The following CNBD1 variants were observed in gnomAD, a reference collection of about 807,000 sequenced individuals.
CNBD1 encodes the protein cyclic nucleotide-binding domain-containing protein 1.
A neutral mutation model predicts 54.4 loss-of-function variants in CNBD1; 71 were observed. The ratio of observed to expected loss-of-function variants is 1.30; its 90% CI spans 1.08 to 1.59. The LOEUF is 1.59. Among genes scored for constraint, CNBD1 ranks in the 40% most tolerant of loss-of-function variants. The pLI is 0.00. For missense variants in CNBD1, 659 were observed against 518.0 expected, an observed-to-expected ratio of 1.27 and a Z score of -2.64; for synonymous variants, 182 against 170.7, an observed-to-expected ratio of 1.07 and a Z score of -0.51.
intron 4 of CNBD1, among the ~76,000 whole-genome samples, chr8:87,103,702 TTCCCACTGGG>T (rs2130696314): frequency 6.6e-6 from 1 of 152,328 alleles, no homozygotes; most frequent in Admixed American, 6.5e-5. Flanking sequence ...ATTCAGTTAC[TTCCCACTGGG>T]TCCCACCCAC....
intron 4 of CNBD1, among the ~76,000 whole-genome samples, chr8:87,112,600 T>C (rs1173875999): frequency 6.6e-6 from 1 of 152,204 alleles, no homozygotes; most frequent in Non-Finnish European, 1.5e-5. Flanking sequence ...AATTGCACAC[T>C]AATTTTGCAG....
chr8:87,339,872 T>C (rs1028007318), intron 8 of CNBD1, among the ~76,000 whole-genome samples: 6 of 152,158 alleles, frequency 3.9e-5, no homozygotes, highest in African/African-American at 1.4e-4. Flanking sequence ...ATTATAATTT[T>C]TATTCATTTT....
rs377453628 is a variant in CNBD1, at chr8:87,331,407, G to A, written c.1043-20278G>A. Among the ~76,000 whole-genome samples, 6 of 152,290 alleles carry A rather than the reference G, an allele frequency of 3.9e-5. No individual in the cohort carries two copies. The South Asian group carries it at 1.0e-3, about 26-fold the overall frequency. On this transcript the variant is annotated intron_variant, in intron 8 of 10. Transcript: ENST00000518476. The stretch of plus-strand genomic sequence containing the variant: ...GGACATGATCTCATTCCTTTCTGTA[G>A]CTGCATAGTATTCCATGGTGTATAC...
chr8:86,957,302 T>C (rs1039586853), intron 4 of CNBD1, among the ~76,000 whole-genome samples: 1 of 152,186 alleles, frequency 6.6e-6, no homozygotes, highest in African/African-American at 2.4e-5. Flanking sequence ...TTTTTTGTTG[T>C]GTCTCTGCCA....
chr8:87,404,576 G>A (rs190947282), intron 2 of CNBD1, among the ~76,000 whole-genome samples: 213 of 152,144 alleles, frequency 1.4e-3, no homozygotes, highest in African/African-American at 4.7e-3. Context: ...GGTCAAATTA[G>A]TGCTAAATTT....
At chr8:87,377,436 A>G (rs1320895481) in intron 10 of CNBD1, among the ~76,000 whole-genome samples, 1 of 151,736 alleles carries the variant, frequency 6.6e-6, no homozygotes, top group Non-Finnish European at 1.5e-5. Context: ...GTTTATTGAG[A>G]ATGATGATTT....
chr8:87,361,871 A>C (rs751672995), intron 10 of CNBD1, among the ~76,000 whole-genome samples: 18 of 151,936 alleles, frequency 1.2e-4, no homozygotes, highest in African/African-American at 1.7e-4. Flanking sequence ...TGTTCCTTGA[A>C]TTCTTGAAAA....
Position 87,065,906 on chromosome 8 carries a change from T to C in CNBD1, c.431+126152T>C, listed in dbSNP as rs529532872. Among the ~76,000 whole-genome samples, 329 of 152,058 alleles carry C rather than the reference T, an allele frequency of 2.2e-3. 1 individual carries two copies. The highest frequency in any genetic ancestry group is 3.8e-3 in the Non-Finnish European group (260 of 67,846). ...TAACCTATATGTGATACTTTCCCAC[T>C]ACATGGTTGTTGATAAGTTTCAAAG... On this transcript the variant is annotated intron_variant, in intron 4 of 10. Transcript: ENST00000518476.
chr8:86,919,345 A>G (rs1320021474), intron 3 of CNBD1, among the ~76,000 whole-genome samples: 3 of 152,200 alleles, frequency 2.0e-5, no homozygotes, highest in African/African-American at 7.2e-5. Flanking sequence ...CAAAACTAGA[A>G]GAGGTTTGGA....
At chr8:87,238,607 C>A (rs189878458) in intron 6 of CNBD1, among the ~76,000 whole-genome samples, 54 of 152,176 alleles carry the variant, frequency 3.5e-4, no homozygotes, top group Non-Finnish European at 6.9e-4. Flanking sequence ...ACTGCTATAG[C>A]AGAGCTCCAG....
At chr8:87,095,546 G>A (rs1023731495) in intron 4 of CNBD1, among the ~76,000 whole-genome samples, 1 of 152,096 alleles carries the variant, frequency 6.6e-6, no homozygotes, top group African/African-American at 2.4e-5. Context: ...ATGTGTCTAC[G>A]TCCTCTTTTA....
Position 87,137,168 on chromosome 8 carries a change from ATATAT to A in CNBD1, c.432-68818_432-68814del, listed in dbSNP as rs1481684341. On this transcript the variant is annotated intron_variant, in intron 4 of 10. Transcript: ENST00000518476. Reference sequence around the variant, plus strand: ...TATATTTTTATTCTATATAAATTATATATATTATATTTTTATTCTATATAAATTAT... The same window carrying A: ...TATATTTTTATTCTATATAAATTATATATATTTTTATTCTATATAAATTAT... Among the ~76,000 whole-genome samples, 14 of 140,650 alleles carry A rather than the reference ATATAT, an allele frequency of 1.0e-4. No individual in the cohort carries two copies. The South Asian group carries it at 2.8e-3, about 28-fold the overall frequency. 92.3% of individuals were successfully genotyped at this position (140,650 alleles called of 152,430 possible). A position where few individuals can be genotyped will look rare whatever the true frequency, so the allele number is the denominator to read the frequency against.
At chr8:87,237,572 A>C (rs1586354203) in intron 6 of CNBD1, among the ~76,000 whole-genome samples, 1 of 152,160 alleles carries the variant, frequency 6.6e-6, no homozygotes, top group East Asian at 1.9e-4. Context: ...AATTGAGGAA[A>C]ATCTTTTGCA....
intron 4 of CNBD1, among the ~76,000 whole-genome samples, chr8:87,195,354 A>G (rs1375358344): frequency 1.3e-5 from 2 of 149,868 alleles, no homozygotes; most frequent in African/African-American, 4.9e-5. Context: ...TCAGCCTCCC[A>G]AATAACTGGG....
chr8:87,333,330 T>C (rs1809874314), intron 8 of CNBD1, among the ~76,000 whole-genome samples: 1 of 152,142 alleles, frequency 6.6e-6, no homozygotes, highest in Non-Finnish European at 1.5e-5. Context: ...ACAGAGACAA[T>C]TTTACTTCCT....
intron 4 of CNBD1, among the ~76,000 whole-genome samples, chr8:87,076,667 C>A (rs1352529840): frequency 6.6e-6 from 1 of 152,130 alleles, no homozygotes; most frequent in Non-Finnish European, 1.5e-5. Flanking sequence ...TAGTCTCGAT[C>A]TCCTGACCTT....
chr8:87,380,491 G>A (rs1811051937), intron 10 of CNBD1, among the ~76,000 whole-genome samples: 1 of 151,770 alleles, frequency 6.6e-6, no homozygotes, highest in South Asian at 2.1e-4. Context: ...GATTGATTTG[G>A]TTATGTGTAA....
In CNBD1 at chr8:87,322,570, T is replaced by G. The variant is rs1272037200; in HGVS notation, c.1043-29115T>G. ...TGATGGCCAGTAATGATGAGCATTT[T>G]TTCATGTGTTTTTTGGCTGCATAAA... is the stretch of plus-strand genomic sequence containing the variant. On this transcript the variant is annotated intron_variant, in intron 8 of 10. Transcript: ENST00000518476. Among the ~76,000 whole-genome samples the G allele has an allele frequency of 4.4e-5, 5 of 114,452 alleles. 2 individuals are homozygous for G. Among genetic ancestry groups the G allele is most frequent in the African/African-American group, 1.6e-4 (5 of 30,328 alleles). The allele number at this position is 114,452 out of a possible 152,430, so 75.1% of individuals were successfully genotyped here. A position where few individuals can be genotyped will look rare whatever the true frequency, so the allele number is the denominator to read the frequency against.
chr8:87,048,766 C>A (rs774381579), intron 4 of CNBD1, among the ~76,000 whole-genome samples: 11 of 152,200 alleles, frequency 7.2e-5, no homozygotes, highest in Non-Finnish European at 1.5e-4. Context: ...ATCCTCCAGT[C>A]TTCTGCCAGA....
Sources: gnomAD v4.1 joint callset for allele counts (sites outside exome capture counted in the v4.1 genomes callset) on GRCh38, gnomAD v4.1.1 for gene constraint, MANE v1.5 for transcripts, NCBI Gene and HGNC (gene_info 2026-07-23, HGNC 2026-07-21) for gene names.